NLRP12: variants seen among roughly 807,000 people sequenced by gnomAD.
NLRP12 encodes the protein NLR family pyrin domain containing 12, also known as NACHT, LRR and PYD domains-containing protein 12.
NLRP12 carries 108 observed loss-of-function variants against 91.2 expected under a neutral mutation model. The observed-to-expected ratio is 1.18, with a 90% CI of 1.01 to 1.39. The LOEUF (loss-of-function observed/expected upper bound fraction) is 1.39. Ranked by LOEUF, NLRP12 falls within the 40% of genes most tolerant of loss-of-function variation. The pLI, the probability that NLRP12 is intolerant of heterozygous loss-of-function variation, is 0.00. For synonymous variants in NLRP12, 613 were observed against 566.7 expected (o/e 1.08, Z -1.16); for missense variants, 1,530 against 1,352.7 (o/e 1.13, Z -2.06).
chr19:53,823,739 A>G, intron 1 of NLRP12, 147 bp downstream of exon 1: 3 of 899,894 alleles, frequency 3.3e-6, no homozygotes, highest in Non-Finnish European at 5.4e-6. Flanking sequence ...TGGTAGAGAC[A>G]GAGCCTCACT....
At chr19:53,798,728 G>C (rs921708639) in intron 7 of NLRP12, among the ~76,000 whole-genome samples, 1 of 151,960 alleles carries the variant, frequency 6.6e-6, no homozygotes, top group Non-Finnish European at 1.5e-5. Context: ...CCAATAACTT[G>C]TCTGTACAAA....
At chr19:53,817,983 ATGTTGGCCAGGC>A (rs969147626) in intron 1 of NLRP12, among the ~76,000 whole-genome samples, 2 of 151,354 alleles carry the variant, frequency 1.3e-5, no homozygotes, top group East Asian at 2.0e-4. Flanking sequence ...GGGTTTCACC[ATGTTGGCCAGGC>A]TGTTGTCAAA....
In NLRP12 at chr19:53,819,570, T is replaced by TATATGTATGTATACGTATATAC. The variant is rs1568696188; in HGVS notation, c.289+4315_289+4316insGTATATACGTATACATACATAT. On this transcript the variant is annotated intron_variant, in intron 1 of 9. Transcript: ENST00000324134. ...ATATATGTATGTATACGTATATATA[T>TATATGTATGTATACGTATATAC]GCGTATATATGTATGTATACGTATA... Among the ~76,000 whole-genome samples, 30 of 90,976 alleles carry TATATGTATGTATACGTATATAC rather than the reference T, an allele frequency of 3.3e-4. 1 individual carries two copies. Among genetic ancestry groups the TATATGTATGTATACGTATATAC allele is most frequent in the Non-Finnish European group, 4.5e-4 (19 of 42,438 alleles). 59.7% of individuals were successfully genotyped at this position (90,976 alleles called of 152,430 possible).
chr19:53,805,242 A>G (rs758225410), intron 5 of NLRP12, 38 bp downstream of exon 5: 1 of 1,592,556 alleles, frequency 6.3e-7, no homozygotes, highest in South Asian at 1.1e-5. Flanking sequence ...CCAGGAGACA[A>G]TGAGCTTAAG....
chr19:53,801,059 G>A (rs1216182846), intron 7 of NLRP12, among the ~76,000 whole-genome samples, 168 bp downstream of exon 7: 1 of 151,578 alleles, frequency 6.6e-6, no homozygotes, highest in African/African-American at 2.4e-5. Context: ...TGGGCTTGGT[G>A]GCGGGCGCCT....
chr19:53,802,154 G>C (rs1257733077), intron 6 of NLRP12, among the ~76,000 whole-genome samples: 2 of 152,012 alleles, frequency 1.3e-5, no homozygotes, highest in Non-Finnish European at 2.9e-5. Flanking sequence ...TTGAACCCAG[G>C]AGGCGGAGGT....
In NLRP12 at chr19:53,823,886, C is replaced by G. The variant is rs769979504; in HGVS notation, c.289G>C (p.Asp97His). 1 of 1,613,926 alleles carries G rather than the reference C, an allele frequency of 6.2e-7. No individual in the cohort carries two copies. Among genetic ancestry groups the G allele is most frequent in the Non-Finnish European group, 8.5e-7 (1 of 1,180,036 alleles). ...ERGQREDLVR[D>H]TPPGGPSSLG... ...CTTGCCTGTCCCGCCACCTCCTTAC[C>G]CCTCACCAGGTCCTCTCTCTGTCCT... The change falls in exon 1 of 10, where the codon GAT becomes CAT. Residue 97 changes from aspartate (D) to histidine (H), a missense_variant and splice_region_variant. Coordinates refer to ENST00000324134, the MANE Select transcript of NLRP12 (RefSeq NM_144687.4).
chr19:53,817,007 AG>A (rs1239152165), intron 1 of NLRP12, among the ~76,000 whole-genome samples: 1 of 936 alleles, frequency 1.1e-3, no homozygotes, highest in Non-Finnish European at 2.9e-3. Context: ...AATGGTTAAG[AG>A]GGCCAGGGCG....
At chr19:53,800,144 T>A (rs577221388) in intron 7 of NLRP12, among the ~76,000 whole-genome samples, 15 of 151,978 alleles carry the variant, frequency 9.9e-5, no homozygotes, top group African/African-American at 3.1e-4. Flanking sequence ...ACTAAAAAAA[T>A]GTTTTTAAAA....
intron 3 of NLRP12, among the ~76,000 whole-genome samples, chr19:53,808,903 C>G (rs1365609810): frequency 1.3e-5 from 2 of 151,948 alleles, no homozygotes; most frequent in African/African-American, 4.8e-5. Context: ...GTTGTGACCA[C>G]CAAAAACGTG....
rs2092133312 is a variant in NLRP12 at position 53,814,902 on chromosome 19, G to C, written c.370+6C>G. On this transcript the variant is annotated splice_donor_region_variant and intron_variant, in intron 2 of 9. Coordinates refer to ENST00000324134, the MANE Select transcript of NLRP12 (RefSeq NM_144687.4). ...AATACATGTAGGTACATGGCTTGAG[G>C]CTCACCTTTTCTTGGAGTGACAAGA... The C allele has an allele frequency of 1.2e-6, 2 of 1,610,982 alleles. No homozygotes were observed. Among genetic ancestry groups the C allele is most frequent in the Non-Finnish European group, 1.7e-6 (2 of 1,177,110 alleles).
chr19:53,796,665 T>G (rs949050181), intron 8 of NLRP12, among the ~76,000 whole-genome samples: 4 of 151,730 alleles, frequency 2.6e-5, no homozygotes, highest in African/African-American at 9.7e-5. Flanking sequence ...ATTATAGGCG[T>G]GAGCCACTAC....
chr19:53,809,543 ACACG>A (rs1381244723), intron 3 of NLRP12, 40 bp downstream of exon 3: 1 of 1,392,012 alleles, frequency 7.2e-7, no homozygotes, highest in Admixed American at 2.1e-5. Flanking sequence ...AAAAAAAAAC[ACACG>A]AACCTAAGCA....
At chr19:53,813,690 C>T (rs2092115532) in intron 2 of NLRP12, among the ~76,000 whole-genome samples, 1 of 151,714 alleles carries the variant, frequency 6.6e-6, no homozygotes, top group South Asian at 2.1e-4. Flanking sequence ...GTACCCCTCT[C>T]CCGCCTTTTT....
rs1197061190 is a variant in NLRP12 at position 53,823,992 on chromosome 19, G to T, written c.183C>A (p.Ile61=). The T allele has an allele frequency of 6.2e-7, 1 of 1,614,210 alleles. No individual in the cohort carries two copies. Among genetic ancestry groups the T allele is most frequent in the African/African-American group, 1.3e-5 (1 of 75,056 alleles). Residue 61 remains isoleucine, a synonymous_variant, in exon 1 of 10, where the codon ATC becomes ATA. Coordinates refer to ENST00000324134, the MANE Select transcript of NLRP12 (RefSeq NM_144687.4). ...AGGCCTCCTCTGGCCCGAAGTGGGT[G>T]ATGAGCAGCTGGGCCATTTCCAGGG... The part of the protein sequence containing the change: ...AGPLEMAQLL[I]THFGPEEAWR...
Position 53,809,808 on chromosome 19 carries a change from C to G in NLRP12, c.1851G>C (p.Leu617Phe), listed in dbSNP as rs1179439001. The change falls in exon 3 of 10, where the codon TTG becomes TTC. Residue 617 changes from leucine to phenylalanine, a missense_variant. By Grantham distance (22) the Leu-to-Phe change is conservative. Transcript: ENST00000324134. ...TAAACTCCTCCTCCTGGATCTCGTA[C>G]AAGCAGCTGAAGAACTCCAAGGAGC... is the stretch of plus-strand genomic sequence containing the variant. ...QQGSLEFFSC[L>F]YEIQEEEFIQ... 6.2e-7 allele frequency: 1 copy of G among 1,614,116 alleles called. No homozygotes were observed. Among genetic ancestry groups the G allele is most frequent in the Non-Finnish European group, 8.5e-7 (1 of 1,179,992 alleles).
intron 1 of NLRP12, among the ~76,000 whole-genome samples, chr19:53,823,374 TATA>T (rs2092289275): frequency 7.9e-6 from 1 of 126,798 alleles, no homozygotes; most frequent in South Asian, 2.3e-4. Context: ...TATTTAATAA[TATA>T]ATTATATACA....
intron 7 of NLRP12, among the ~76,000 whole-genome samples, chr19:53,800,916 T>C (rs897366902): frequency 2.0e-5 from 3 of 151,872 alleles, no homozygotes; most frequent in African/African-American, 7.3e-5. Flanking sequence ...TGATGTAGGC[T>C]GGGTGCAGTG....
chr19:53,799,469 T>C (rs2091831140), intron 7 of NLRP12, among the ~76,000 whole-genome samples: 2 of 151,940 alleles, frequency 1.3e-5, no homozygotes, highest in Admixed American at 6.6e-5. Flanking sequence ...CACACACATA[T>C]ACACAAATTA....
Sources: gnomAD v4.1 joint callset for allele counts (sites outside exome capture counted in the v4.1 genomes callset) on GRCh38, gnomAD v4.1.1 for gene constraint, MANE v1.5 for transcripts, NCBI Gene and HGNC (gene_info 2026-07-23, HGNC 2026-07-21) for gene names.